Variants in DAGLA observed in about 807,000 individuals in gnomAD.
DAGLA encodes diacylglycerol lipase alpha, also known as diacylglycerol lipase-alpha.
Under a neutral mutation model 102.6 loss-of-function variants are expected in DAGLA, and 22 were observed. The observed-to-expected ratio is 0.21, with a 90% CI of 0.15 to 0.31. DAGLA has a LOEUF of 0.31. DAGLA is among the 10% of genes least tolerant of loss of function. The pLI is 1.00. For missense variants in DAGLA, 927 were observed against 1,446.6 expected (o/e 0.64, Z 5.83); for synonymous variants, 578 against 628.9 (o/e 0.92, Z 1.21).
rs917878090 is a variant in DAGLA, at chr11:61,684,114, A to C, written c.-45+3610A>C. 6.6e-6 allele frequency among the ~76,000 whole-genome samples: 1 copy of C among 152,214 alleles called. No homozygotes were observed. The highest frequency in any genetic ancestry group is 1.5e-5 in the Non-Finnish European group (1 of 68,030). The stretch of plus-strand genomic sequence containing the variant: ...CAGCGGGCCAGAAGGCTGCAGCTGA[A>C]GGCACAGCTTGTCACTGGAAGCCAC... On this transcript the variant is annotated intron_variant, in intron 1 of 19. Coordinates refer to ENST00000257215, the MANE Select transcript of DAGLA (RefSeq NM_006133.3). This position sits in a 1 kb window ranked among gnomAD's most constrained non-coding sequence, Gnocchi z 4.5.
intron 8 of DAGLA, among the ~76,000 whole-genome samples, chr11:61,730,738 G>A (rs896252442): frequency 2.0e-5 from 3 of 152,140 alleles, no homozygotes; most frequent in South Asian, 2.1e-4. Flanking sequence ...TCCCACCAAC[G>A]CAGCCCCTGC....
At position 61,743,825 on chromosome 11, in the gene DAGLA, A is replaced by T. The variant is rs2065507241; in HGVS notation, c.2465A>T (p.Tyr822Phe). ...GAGCGTGATGAAGGCCACCTCTTCT[A>T]CATTGACCCTGCCATCCCCGAGGAA... ...VLERDEGHLF[Y>F]IDPAIPEENP... The change falls in exon 20 of 20, where the codon TAC (tyrosine) becomes TTC (phenylalanine). Residue 822 changes from tyrosine (Y) to phenylalanine (F), a missense_variant. Tyr to Phe is a conservative substitution (Grantham distance 22, BLOSUM62 3). This residue lies in a region of DAGLA where 434 missense variants were observed against 503.3 expected (regional missense o/e 0.86). Transcript: ENST00000257215. 6.2e-7 allele frequency: 1 copy of T among 1,612,428 alleles called. No individual in the cohort carries two copies. Among genetic ancestry groups the T allele is most frequent in the South Asian group, 1.1e-5 (1 of 91,090 alleles).
intron 8 of DAGLA, among the ~76,000 whole-genome samples, 186 bp from the exon 9 acceptor site, chr11:61,731,130 GA>G (rs1336245561): frequency 6.6e-6 from 1 of 152,204 alleles, no homozygotes; most frequent in Non-Finnish European, 1.5e-5. Flanking sequence ...GATAATTAGG[GA>G]AATGCAATTA....
Position 61,743,957 on chromosome 11 carries a change from C to T in DAGLA, c.2597C>T (p.Thr866Ile). 1 of 1,611,980 alleles carries T rather than the reference C, an allele frequency of 6.2e-7. No homozygotes were observed. ...LEAALGSGGV[T>I]PERPPSAAAN... ...GCGGCCCTGGGCAGTGGCGGCGTCA[C>T]TCCTGAGCGGCCCCCCAGTGCTGCG... The change falls in exon 20 of 20, where the codon ACT becomes ATT. Residue 866 changes from threonine to isoleucine, a missense_variant. Around this residue, in one of 4 missense-constraint regions of DAGLA, gnomAD observed 434 missense variants for 503.3 expected, o/e 0.86. Transcript: ENST00000257215.
In DAGLA at chr11:61,743,790, C is replaced by T. The variant is rs150806850; in HGVS notation, c.2430C>T (p.His810=). The T allele has an allele frequency of 8.1e-6, 13 of 1,612,524 alleles. No individual in the cohort carries two copies. Among genetic ancestry groups the T allele is most frequent in the Non-Finnish European group, 1.0e-5 (12 of 1,179,940 alleles). ...FRSIRGSPSL[H]AVLERDEGHL... is the part of the protein sequence containing the mutation. ...GCATCCGGGGCTCCCCCAGCCTCCA[C>T]GCTGTGCTGGAGCGTGATGAAGGCC... The change falls in exon 20 of 20, where the codon CAC becomes CAT. Residue 810 remains histidine, a synonymous_variant. Transcript: ENST00000257215.
At position 61,744,322 on chromosome 11, in the gene DAGLA, C is replaced by T. The variant is rs117050893; in HGVS notation, c.2962C>T (p.Leu988Phe). 1.2e-6 allele frequency: 2 copies of T among 1,612,552 alleles called. No homozygotes were observed. Among genetic ancestry groups the T allele is most frequent in the Non-Finnish European group, 1.7e-6 (2 of 1,179,732 alleles). The change falls in exon 20 of 20, where the codon CTC becomes TTC. Residue 988 changes from leucine (L) to phenylalanine (F), a missense_variant. Leu to Phe is a conservative substitution (Grantham distance 22). Coordinates refer to ENST00000257215, the MANE Select transcript of DAGLA (RefSeq NM_006133.3). ...AGCCGACCCCTCCTCGGGCATCTCACTCTCGCCCTCCTTCCCGCTCAGCTC... is the reference window on the plus strand; with the variant it reads ...AGCCGACCCCTCCTCGGGCATCTCATTCTCGCCCTCCTTCCCGCTCAGCTC... The part of the protein sequence containing the change: ...GSADPSSGIS[L>F]SPSFPLSSSG...
chr11:61,740,574 C>A lies in DAGLA; in HGVS notation c.1965C>A (p.Val655=). ...AMLHEHLPYV[V]MEGLNKVLEN... ...TGCATGAGCACCTGCCCTATGTGGT[C>A]ATGGAGGGGCTCAACAAGGTGAGGC... is the stretch of plus-strand genomic sequence containing the variant. The change falls in exon 18 of 20, where the codon GTC becomes GTA. Residue 655 remains valine, a synonymous_variant. Transcript: ENST00000257215. 6.2e-7 allele frequency: 1 copy of A among 1,613,570 alleles called. No individual in the cohort carries two copies. The highest frequency in any genetic ancestry group is 1.1e-5 in the South Asian group (1 of 91,044).
At chr11:61,735,455 C>A in intron 10 of DAGLA, 106 bp from the exon 11 acceptor site, 1 of 978,832 alleles carries the variant, frequency 1.0e-6, no homozygotes, top group Non-Finnish European at 1.5e-6. Context: ...GGCTCCGTGG[C>A]TGGTGGAGCC....
At chr11:61,736,383 A>G (rs1326716135) in intron 13 of DAGLA, 33 bp downstream of exon 13, 2 of 1,565,162 alleles carry the variant, frequency 1.3e-6, no homozygotes, top group South Asian at 2.2e-5. Flanking sequence ...AAGCCTTTTC[A>G]CACCTGGGTC....
At chr11:61,741,537 C>A (rs1444183959) in intron 19 of DAGLA, among the ~76,000 whole-genome samples, 188 bp downstream of exon 19, 71 of 152,194 alleles carry the variant, frequency 4.7e-4, no homozygotes, top group South Asian at 4.1e-4. Flanking sequence ...CCTGCTGTCC[C>A]TGAATCCTAC....
chr11:61,693,713 C>G (rs1421826004), intron 1 of DAGLA, among the ~76,000 whole-genome samples: 1 of 152,252 alleles, frequency 6.6e-6, no homozygotes, highest in African/African-American at 2.4e-5. Flanking sequence ...CACAGTGCAC[C>G]TGCCCTGCCT....
At chr11:61,731,573 C>T (rs2065375502) in intron 9 of DAGLA, 132 bp downstream of exon 9, 2 of 1,239,546 alleles carry the variant, frequency 1.6e-6, no homozygotes, top group Non-Finnish European at 2.2e-6. Flanking sequence ...GGGCCTCAAC[C>T]TTTCTAGTTC....
At chr11:61,725,255 G>A (rs1215079251) in intron 5 of DAGLA, among the ~76,000 whole-genome samples, 2 of 152,102 alleles carry the variant, frequency 1.3e-5, no homozygotes, top group African/African-American at 4.8e-5. Flanking sequence ...AGCCTAGGAG[G>A]AACCTCTGTG....
In DAGLA at chr11:61,720,911, G is replaced by A. The variant is rs750369177; in HGVS notation, c.307+21G>A. The A allele has an allele frequency of 8.7e-6, 14 of 1,603,632 alleles. No individual in the cohort carries two copies. The East Asian group carries it at 2.5e-4, about 28-fold the overall frequency. ...CCTGGGTAAGGGCCACCCACCCTGG[G>A]GTGCTGCCCCAGACAACTCCCACCT... On this transcript the variant is annotated intron_variant, in intron 3 of 19. Transcript: ENST00000257215.
intron 1 of DAGLA, among the ~76,000 whole-genome samples, chr11:61,703,221 C>T (rs2065122412): frequency 6.6e-6 from 1 of 152,250 alleles, no homozygotes; most frequent in Non-Finnish European, 1.5e-5. Flanking sequence ...AGGAAGAAAA[C>T]AGGCGAGACC....
chr11:61,701,843 C>T (rs1055969815), intron 1 of DAGLA, among the ~76,000 whole-genome samples: 1 of 152,180 alleles, frequency 6.6e-6, no homozygotes, highest in African/African-American at 2.4e-5. Flanking sequence ...TTTGCAATCA[C>T]AGCTCACAGC....
In DAGLA at chr11:61,731,456, C is replaced by G. The variant is rs1328536607; in HGVS notation, c.974+15C>G. On this transcript the variant is annotated intron_variant, in intron 9 of 19. Transcript: ENST00000257215. ...CGGTCCTGCTCGTGAGTACCCCTGT[C>G]CCATCCCCCAGCGATTGCACCTCTC... The G allele has an allele frequency of 6.2e-7, 1 of 1,612,366 alleles. No homozygotes were observed. Among genetic ancestry groups the G allele is most frequent in the Non-Finnish European group, 8.5e-7 (1 of 1,179,772 alleles).
intron 6 of DAGLA, among the ~76,000 whole-genome samples, chr11:61,727,330 C>A (rs2065336917): frequency 2.0e-5 from 3 of 152,236 alleles, no homozygotes; most frequent in Admixed American, 2.0e-4. Flanking sequence ...CCGTTTGGCT[C>A]CATTCGGCAT....
chr11:61,708,887 T>A (rs1488350894), intron 1 of DAGLA, among the ~76,000 whole-genome samples: 1 of 152,224 alleles, frequency 6.6e-6, no homozygotes, highest in East Asian at 1.9e-4. Flanking sequence ...AGGGGCCTTC[T>A]GAGCCCCTGC....
Sources: allele counts gnomAD v4.1 joint callset (sites outside exome capture counted in the v4.1 genomes callset), GRCh38; gene constraint gnomAD v4.1.1; regional missense constraint gnomAD v4.1.1; non-coding constraint Gnocchi (gnomAD v3.1); transcripts MANE v1.5; gene names NCBI Gene and HGNC (gene_info 2026-07-23, HGNC 2026-07-21).